GVQW3: variants seen among roughly 807,000 people sequenced by gnomAD.
GVQW3 encodes GVQW motif containing 3.
Under a neutral mutation model 12.5 loss-of-function variants are expected in GVQW3, and 7 were observed. That is an observed-to-expected ratio of 0.56 (90% CI 0.32 to 1.05). The LOEUF (loss-of-function observed/expected upper bound fraction) is 1.05, where lower values mean the gene tolerates loss of function less well. GVQW3 is among the 50% of genes least tolerant of loss of function. The pLI is 0.04. For missense variants in GVQW3, 188 were observed against 190.8 expected (o/e 0.99, Z 0.09); for synonymous variants, 71 against 67.2 (o/e 1.06, Z -0.28).
At chr11:76,394,586 A>G (rs1946922984) in intron 1 of GVQW3, among the ~76,000 whole-genome samples, 1 of 152,186 alleles carries the variant, frequency 6.6e-6, no homozygotes, top group Admixed American at 6.5e-5. Context: ...TTATCTATTC[A>G]TCTGTTGACA....
At chr11:76,390,492 G>T (rs1166664507) in intron 1 of GVQW3, among the ~76,000 whole-genome samples, 2 of 152,234 alleles carry the variant, frequency 1.3e-5, no homozygotes, top group Non-Finnish European at 2.9e-5. Context: ...CCCAAGAAAT[G>T]TTCCTCCTCG....
intron 1 of GVQW3, among the ~76,000 whole-genome samples, chr11:76,400,197 C>A (rs1235045370): frequency 6.6e-6 from 1 of 151,950 alleles, no homozygotes; most frequent in Non-Finnish European, 1.5e-5. Context: ...ACTGCCACCT[C>A]CGCCTCCCAG....
chr11:76,400,870 C>T (rs1364217727), intron 1 of GVQW3, among the ~76,000 whole-genome samples: 1 of 151,860 alleles, frequency 6.6e-6, no homozygotes, highest in Non-Finnish European at 1.5e-5. Context: ...CTTCAGATTC[C>T]CTCTTCAGCT....
In GVQW3 at chr11:76,403,877, A is replaced by G. The variant is rs1203772373; in HGVS notation, c.*119A>G. The G allele has an allele frequency of 1.4e-6, 1 of 700,858 alleles. No homozygotes were observed. Among genetic ancestry groups the G allele is most frequent in the African/African-American group, 1.7e-5 (1 of 57,176 alleles). The allele number at this position is 700,858 out of a possible 1,614,324, so 43.4% of individuals were successfully genotyped here. On this transcript the variant is annotated 3_prime_UTR_variant, in exon 2 of 2. Transcript: ENST00000529331. The stretch of plus-strand genomic sequence containing the variant: ...AGGAGAAGATGGATGTCACAGCTCA[A>G]GAAGCGAGAACAAATTTGCCCTTCT...
At chr11:76,397,092 C>A (rs1296733459) in intron 1 of GVQW3, among the ~76,000 whole-genome samples, 1 of 151,200 alleles carries the variant, frequency 6.6e-6, no homozygotes. Context: ...CAACCTCCAC[C>A]TCCAGGGTTC....
chr11:76,399,316 A>G (rs1365528359), intron 1 of GVQW3, among the ~76,000 whole-genome samples: 2 of 151,484 alleles, frequency 1.3e-5, no homozygotes, highest in African/African-American at 2.4e-5. Flanking sequence ...TAATTTTTGT[A>G]TTTTTAGTAG....
intron 1 of GVQW3, among the ~76,000 whole-genome samples, chr11:76,386,504 C>G (rs142252447): frequency 1.1e-3 from 161 of 152,268 alleles, no homozygotes; most frequent in African/African-American, 3.9e-3. Flanking sequence ...TGCTAAATGA[C>G]TTGAGGACAC....
At chr11:76,401,605 T>G (rs1041503153) in intron 1 of GVQW3, among the ~76,000 whole-genome samples, 2 of 151,704 alleles carry the variant, frequency 1.3e-5, no homozygotes, top group Non-Finnish European at 2.9e-5. Context: ...AAACCTCGTC[T>G]CTACTAAAAA....
intron 1 of GVQW3, among the ~76,000 whole-genome samples, chr11:76,388,136 A>G (rs1045351412): frequency 5.3e-5 from 8 of 152,230 alleles, no homozygotes; most frequent in Non-Finnish European, 1.2e-4. Flanking sequence ...ACTGATGCCA[A>G]GCTGCAACCA....
downstream of GVQW3, among the ~76,000 whole-genome samples, chr11:76,410,058 A>G (rs573677037): frequency 6.6e-5 from 10 of 152,226 alleles, no homozygotes; most frequent in East Asian, 1.9e-3. Flanking sequence ...GGAGTTCAAG[A>G]CCAGCCTGGG....
rs1590811740 is a variant in GVQW3, at chr11:76,381,862, A to T, written c.34A>T (p.Ile12Phe). ...CCGCTATTTAGAACAAAGGATTAGT[A>T]TCAAATTTTGCGTGAAATTGAACAA... ...SDRYLEQRIS[I>F]KFCVKLNKSA... Residue 12 changes from isoleucine to phenylalanine, a missense_variant, in exon 1 of 2, where the codon ATC becomes TTC. Physicochemically the swap from Ile to Phe is conservative, Grantham distance 21 (BLOSUM62 0). Coordinates refer to ENST00000529331, the MANE Select transcript of GVQW3 (RefSeq NM_001347885.2). 6.5e-7 allele frequency: 1 copy of T among 1,536,030 alleles called. No homozygotes were observed. Among genetic ancestry groups the T allele is most frequent in the East Asian group, 2.4e-5 (1 of 40,922 alleles).
chr11:76,385,840 C>T (rs1158497213), intron 1 of GVQW3, among the ~76,000 whole-genome samples: 3 of 152,174 alleles, frequency 2.0e-5, no homozygotes, highest in African/African-American at 7.2e-5. Context: ...TCCCCAGAGG[C>T]ACCCAGTGTC....
intron 1 of GVQW3, among the ~76,000 whole-genome samples, chr11:76,389,309 A>C (rs1466021386): frequency 6.6e-6 from 1 of 152,240 alleles, no homozygotes. Flanking sequence ...TATGCTTTAA[A>C]AAATTTTCTC....
At chr11:76,390,150 T>C (rs1357657683) in intron 1 of GVQW3, 1 of 152,216 alleles carries the variant, frequency 6.6e-6, no homozygotes, top group Non-Finnish European at 1.5e-5. Flanking sequence ...CTCAGTGAAA[T>C]TTTAAACCTC....
At position 76,405,789 on chromosome 11, in the gene GVQW3, G is replaced by A. The variant is rs1279845190; in HGVS notation, c.*2031G>A. ...CTGCCTCAGCCTTCCAAGTAGCTAGGACAACAGGTGCGTGCTACCATGCAT... is the reference window on the plus strand; with the variant it reads ...CTGCCTCAGCCTTCCAAGTAGCTAGAACAACAGGTGCGTGCTACCATGCAT... On this transcript the variant is annotated 3_prime_UTR_variant, in exon 2 of 2. Transcript: ENST00000529331. The A allele has an allele frequency of 6.6e-6, 1 of 152,292 alleles. No homozygotes were observed. Among genetic ancestry groups the A allele is most frequent in the African/African-American group, 2.4e-5 (1 of 41,410 alleles). 9.4% of individuals were successfully genotyped at this position (152,292 alleles called of 1,614,324 possible). A position where few individuals can be genotyped will look rare whatever the true frequency, so the allele number is the denominator to read the frequency against.
chr11:76,411,593 A>G (rs1947080208), downstream of GVQW3: 1 of 152,206 alleles, frequency 6.6e-6, no homozygotes, highest in African/African-American at 2.4e-5. Flanking sequence ...TACTTCATCA[A>G]GGGTTAACCA....
intron 1 of GVQW3, among the ~76,000 whole-genome samples, chr11:76,398,214 C>T (rs965728676): frequency 2.6e-5 from 4 of 152,176 alleles, no homozygotes; most frequent in African/African-American, 7.2e-5. Context: ...TTTTAGCAGT[C>T]TGCTATCTGG....
chr11:76,394,599 C>T (rs1487576299), intron 1 of GVQW3, among the ~76,000 whole-genome samples: 1 of 152,158 alleles, frequency 6.6e-6, no homozygotes, highest in Non-Finnish European at 1.5e-5. Context: ...TGTTGACAGA[C>T]ACTTGGGTTG....
At chr11:76,399,393 C>T (rs1946967925) in intron 1 of GVQW3, among the ~76,000 whole-genome samples, 2 of 152,124 alleles carry the variant, frequency 1.3e-5, no homozygotes, top group South Asian at 4.2e-4. Context: ...CCACCCACCT[C>T]GGCCTCCCAA....
Sources: allele counts gnomAD v4.1 joint callset (sites outside exome capture counted in the v4.1 genomes callset), GRCh38; gene constraint gnomAD v4.1.1; transcripts MANE v1.5; gene names NCBI Gene and HGNC (gene_info 2026-07-23, HGNC 2026-07-21).